Variants in DLG1 observed in about 807,000 individuals in gnomAD.
The protein encoded by DLG1 is disks large homolog 1.
Under a neutral mutation model 123.4 loss-of-function variants are expected in DLG1, and 42 were observed. The observed-to-expected ratio is 0.34, with a 90% CI of 0.27 to 0.44. The LOEUF (loss-of-function observed/expected upper bound fraction) is 0.44, where lower values mean the gene tolerates loss of function less well. Ranked by LOEUF, DLG1 falls within the 20% of genes least tolerant of loss-of-function variation. DLG1 has a pLI of 1.00. For synonymous variants in DLG1, 317 were observed against 356.2 expected (o/e 0.89, Z 1.24); for missense variants, 942 against 1,082.6 (o/e 0.87, Z 1.82).
Position 197,064,672 on chromosome 3 carries a change from CT to C in DLG1, c.2373+603del, listed in dbSNP as rs201598967. Among the ~76,000 whole-genome samples the C allele has an allele frequency of 8.4e-3, 1,272 of 152,000 alleles. 20 individuals are homozygous for C. The highest frequency in any genetic ancestry group is 0.029 in the African/African-American group (1,198 of 41,444). Reference sequence around the variant, plus strand: ...TCTTTATATATTGGGAATATTAGCCCTTTTCTTGCAAATTTTTTCTGTCAGT... The same window carrying C: ...TCTTTATATATTGGGAATATTAGCCCTTTCTTGCAAATTTTTTCTGTCAGT... On this transcript the variant is annotated intron_variant, in intron 22 of 24. Transcript: ENST00000667157.
At chr3:197,066,559 A>G in intron 20 of DLG1, 145 bp downstream of exon 20, 1 of 497,256 alleles carries the variant, frequency 2.0e-6, no homozygotes, top group Non-Finnish European at 3.7e-6. Context: ...TATGTTTCAT[A>G]AAACACATGT....
chr3:197,297,557 CG>C (rs1296089021), intron 1 of DLG1: 2 of 1,072,322 alleles, frequency 1.9e-6, no homozygotes, highest in African/African-American at 3.4e-5. Flanking sequence ...CTACTGGGTA[CG>C]GGCGGGTGAA....
At chr3:197,107,360 T>C (rs1313859412) in intron 13 of DLG1, among the ~76,000 whole-genome samples, 5 of 152,014 alleles carry the variant, frequency 3.3e-5, no homozygotes, top group Non-Finnish European at 2.9e-5. Context: ...CTGGGTAACA[T>C]GGTGAAACCC....
At chr3:197,103,292 T>C (rs1316786233) in intron 14 of DLG1, among the ~76,000 whole-genome samples, 2 of 152,146 alleles carry the variant, frequency 1.3e-5, no homozygotes, top group African/African-American at 4.8e-5. Context: ...TTTTTCTTAC[T>C]GCTTTTGTGT....
chr3:197,237,201 G>A (rs1270415936), intron 4 of DLG1, among the ~76,000 whole-genome samples: 1 of 152,070 alleles, frequency 6.6e-6, no homozygotes, highest in African/African-American at 2.4e-5. Flanking sequence ...TAAAATCTTT[G>A]GCCATTATAT....
intron 4 of DLG1, among the ~76,000 whole-genome samples, chr3:197,274,404 T>A (rs563814300): frequency 6.6e-6 from 1 of 152,226 alleles, no homozygotes; most frequent in Admixed American, 6.5e-5. Flanking sequence ...GTAGAATGAA[T>A]CTAGACTCCC....
intron 12 of DLG1, 22 bp from the exon 13 acceptor site, chr3:197,116,105 G>C: frequency 2.5e-6 from 4 of 1,581,074 alleles, no homozygotes; most frequent in Non-Finnish European, 3.4e-6. Flanking sequence ...AAAAAATTGA[G>C]TATCTTGGAA....
chr3:197,107,502 G>A (rs562963677), intron 13 of DLG1, among the ~76,000 whole-genome samples: 9 of 151,746 alleles, frequency 5.9e-5, no homozygotes, highest in Admixed American at 3.3e-4. Context: ...CAGAGATTGC[G>A]CCACTGCACT....
At chr3:197,152,197 G>A (rs1421202302) in intron 5 of DLG1, among the ~76,000 whole-genome samples, 1 of 152,120 alleles carries the variant, frequency 6.6e-6, no homozygotes, top group East Asian at 1.9e-4. Context: ...TAATAACTGT[G>A]ATTTACCTAT....
chr3:197,129,921 A>G (rs993538420), intron 11 of DLG1, among the ~76,000 whole-genome samples: 9 of 152,186 alleles, frequency 5.9e-5, no homozygotes, highest in Admixed American at 4.6e-4. Context: ...ATCAAAGACT[A>G]GTGATCACAT....
At chr3:197,193,626 A>T (rs752707047) in intron 5 of DLG1, among the ~76,000 whole-genome samples, 7 of 152,224 alleles carry the variant, frequency 4.6e-5, no homozygotes, top group Non-Finnish European at 8.8e-5. Flanking sequence ...CTGAGTAAAG[A>T]GTGCAAGTTA....
chr3:197,087,481 G>A (rs1018726991), intron 15 of DLG1, among the ~76,000 whole-genome samples: 2 of 152,030 alleles, frequency 1.3e-5, no homozygotes, highest in African/African-American at 2.4e-5. Context: ...AGGAGTCCAA[G>A]ACAAGCTTAG....
intron 18 of DLG1, chr3:197,075,828 A>T: frequency 6.2e-7 from 1 of 1,611,270 alleles, no homozygotes; most frequent in Non-Finnish European, 8.5e-7. Flanking sequence ...GAGTATTTTG[A>T]TCACTTACTC....
intron 5 of DLG1, among the ~76,000 whole-genome samples, chr3:197,165,936 C>A (rs1468179124): frequency 6.6e-6 from 1 of 152,132 alleles, no homozygotes; most frequent in Non-Finnish European, 1.5e-5. Context: ...ATCATCACAA[C>A]CTTGGTGCAG....
intron 12 of DLG1, 68 bp from the exon 13 acceptor site, chr3:197,116,151 C>G: frequency 2.5e-6 from 3 of 1,221,494 alleles, no homozygotes; most frequent in Non-Finnish European, 3.5e-6. Flanking sequence ...TCAGTGAGAA[C>G]TACCTACTGA....
chr3:197,123,037 T>C (rs1777252303), intron 11 of DLG1, among the ~76,000 whole-genome samples: 1 of 152,120 alleles, frequency 6.6e-6, no homozygotes, highest in African/African-American at 2.4e-5. Context: ...TGTGGTCACT[T>C]AAAAGAAAAG....
At chr3:197,129,417 C>T (rs1781392489) in intron 11 of DLG1, among the ~76,000 whole-genome samples, 1 of 152,194 alleles carries the variant, frequency 6.6e-6, no homozygotes, top group Non-Finnish European at 1.5e-5. Flanking sequence ...CAGTTAGGGT[C>T]TTGTTCTGGA....
intron 4 of DLG1, among the ~76,000 whole-genome samples, chr3:197,203,537 C>A (rs1284303874): frequency 5.3e-5 from 8 of 151,746 alleles, no homozygotes; most frequent in East Asian, 1.9e-4. Context: ...GAAAAAAAAA[C>A]CACTGCCAAA....
At position 197,175,209 on chromosome 3, in the gene DLG1, G is replaced by T. The variant is rs965673127; in HGVS notation, c.483+19216C>A. ...GGTTTAAAGTTTTCTTTAAAAGGTG[G>T]TAACTGTAGGCTACTGTTCTCTACA... On this transcript the variant is annotated intron_variant, in intron 5 of 24. Coordinates refer to ENST00000667157, the MANE Select transcript of DLG1 (RefSeq NM_001366207.1). Among the ~76,000 whole-genome samples, 6 of 152,116 alleles carry T rather than the reference G, an allele frequency of 3.9e-5. No individual in the cohort carries two copies. The East Asian group carries it at 1.2e-3, about 29-fold the overall frequency.
Sources: gnomAD v4.1 joint callset for allele counts (sites outside exome capture counted in the v4.1 genomes callset) on GRCh38, gnomAD v4.1.1 for gene constraint, MANE v1.5 for transcripts, NCBI Gene and HGNC (gene_info 2026-07-23, HGNC 2026-07-21) for gene names.